Variants in ZMAT4 observed in about 807,000 individuals in gnomAD.
ZMAT4 encodes zinc finger matrin-type 4.
In ZMAT4, 17 loss-of-function variants were observed where a neutral mutation model predicts 28.7. The ratio of observed to expected loss-of-function variants is 0.59; its 90% CI spans 0.41 to 0.89. ZMAT4 has a LOEUF of 0.89. ZMAT4 is among the 40% of genes least tolerant of loss of function. The pLI is 0.00. For synonymous variants in ZMAT4, 117 were observed against 109.2 expected, an observed-to-expected ratio of 1.07 and a Z score of -0.44; for missense variants, 240 against 283.8, an observed-to-expected ratio of 0.85 and a Z score of 1.11.
chr8:40,575,504 C>A (rs571202176), intron 6 of ZMAT4, among the ~76,000 whole-genome samples: 24 of 152,090 alleles, frequency 1.6e-4, no homozygotes, highest in African/African-American at 5.3e-4. Flanking sequence ...ACCACTGCCC[C>A]CACAAACTCC....
chr8:40,532,212 T>C lies in ZMAT4; in HGVS notation c.*11A>G. 6.3e-7 allele frequency: 1 copy of C among 1,598,294 alleles called. No homozygotes were observed. Among genetic ancestry groups the C allele is most frequent in the Non-Finnish European group, 8.5e-7 (1 of 1,172,224 alleles). ...TAATGTTTTGTTCTTATGTCTTGATTGATGCTTTCACTACTTATTCTTCAG... is the reference window on the plus strand; with the variant it reads ...TAATGTTTTGTTCTTATGTCTTGATCGATGCTTTCACTACTTATTCTTCAG... On this transcript the variant is annotated 3_prime_UTR_variant, in exon 7 of 7. Coordinates refer to ENST00000297737, the MANE Select transcript of ZMAT4 (RefSeq NM_024645.3).
chr8:40,534,290 C>T (rs1021611626), intron 6 of ZMAT4, among the ~76,000 whole-genome samples: 1 of 152,154 alleles, frequency 6.6e-6, no homozygotes, highest in African/African-American at 2.4e-5. Flanking sequence ...GGAAAGGCTA[C>T]TTCATATTTT....
intron 5 of ZMAT4, among the ~76,000 whole-genome samples, chr8:40,658,154 A>C (rs1808012179): frequency 6.6e-6 from 1 of 152,090 alleles, no homozygotes; most frequent in Admixed American, 6.6e-5. Context: ...ACTCACTGTG[A>C]GTATACTTTC....
chr8:40,552,243 A>C (rs757200252), intron 6 of ZMAT4, among the ~76,000 whole-genome samples: 1 of 152,158 alleles, frequency 6.6e-6, no homozygotes, highest in Non-Finnish European at 1.5e-5. Context: ...AAATGTACCC[A>C]ATGTACACCC....
At chr8:40,766,636 G>C (rs1168839521) in intron 3 of ZMAT4, among the ~76,000 whole-genome samples, 1 of 152,212 alleles carries the variant, frequency 6.6e-6, no homozygotes. Flanking sequence ...AGATTAGTCT[G>C]TGTATGAACA....
rs547356301 is a variant in ZMAT4, at chr8:40,736,926, A to G, written c.192+30715T>C. 3.3e-5 allele frequency among the ~76,000 whole-genome samples: 5 copies of G among 152,212 alleles called. No individual in the cohort carries two copies. In the East Asian group the frequency reaches 9.7e-4, roughly 29 times the overall value. On this transcript the variant is annotated intron_variant, in intron 3 of 6. Transcript: ENST00000297737. Reference sequence around the variant, plus strand: ...CTAGCTGACTGGGCAGGCTTCATTGACCAAGATTGGAAATACAGGGAATAG... The same window carrying G: ...CTAGCTGACTGGGCAGGCTTCATTGGCCAAGATTGGAAATACAGGGAATAG...
chr8:40,856,017 C>A (rs969142921), intron 1 of ZMAT4, among the ~76,000 whole-genome samples: 1 of 151,940 alleles, frequency 6.6e-6, no homozygotes, highest in Admixed American at 6.6e-5. Context: ...AAAGTGGGAT[C>A]CAATTTAGTT....
At chr8:40,681,773 A>C (rs1809175800) in intron 4 of ZMAT4, among the ~76,000 whole-genome samples, 1 of 152,230 alleles carries the variant, frequency 6.6e-6, no homozygotes, top group Non-Finnish European at 1.5e-5. Flanking sequence ...AATATTTGAT[A>C]GTTTCATTAA....
chr8:40,881,762 G>C (rs1484285278), intron 1 of ZMAT4, among the ~76,000 whole-genome samples: 1 of 152,086 alleles, frequency 6.6e-6, no homozygotes, highest in Non-Finnish European at 1.5e-5. Context: ...TTCCTTGTAG[G>C]AGGTGCAGCG....
intron 5 of ZMAT4, among the ~76,000 whole-genome samples, chr8:40,651,793 C>G (rs1401419716): frequency 7.0e-6 from 1 of 143,176 alleles, no homozygotes; most frequent in Non-Finnish European, 1.5e-5. Context: ...CTACAACTAT[C>G]TGATCTTTGA....
chr8:40,598,191 A>T (rs191168974), intron 5 of ZMAT4, among the ~76,000 whole-genome samples: 25 of 152,168 alleles, frequency 1.6e-4, no homozygotes, highest in African/African-American at 5.5e-4. Flanking sequence ...GTATATATAT[A>T]TTTTGTTTGT....
At chr8:40,584,682 G>T (rs1046984521) in intron 5 of ZMAT4, among the ~76,000 whole-genome samples, 3 of 152,080 alleles carry the variant, frequency 2.0e-5, no homozygotes, top group Non-Finnish European at 4.4e-5. Flanking sequence ...ACCCAGGCTG[G>T]AGTGCGAGTG....
At chr8:40,651,025 G>A (rs1807618795) in intron 5 of ZMAT4, among the ~76,000 whole-genome samples, 1 of 151,466 alleles carries the variant, frequency 6.6e-6, no homozygotes, top group Non-Finnish European at 1.5e-5. Flanking sequence ...ACAAGACAGG[G>A]ATGCCCTCTC....
chr8:40,715,402 C>T (rs537973872), intron 3 of ZMAT4, among the ~76,000 whole-genome samples: 1 of 152,170 alleles, frequency 6.6e-6, no homozygotes, highest in African/African-American at 2.4e-5. Context: ...ACATAGTACC[C>T]AGAAAGATTT....
chr8:40,699,014 A>T (rs1327263113), intron 3 of ZMAT4, among the ~76,000 whole-genome samples: 1 of 152,192 alleles, frequency 6.6e-6, no homozygotes, highest in Admixed American at 6.5e-5. Context: ...AGAGAAAAAA[A>T]CAAAATAGTA....
chr8:40,891,462 A>G lies in ZMAT4; in HGVS notation c.-5+6221T>C, dbSNP rs117828983. The stretch of plus-strand genomic sequence containing the variant: ...GTTTCCTCCCTTTCTGGGCTGACGC[A>G]CCGCTCTTCCCGCATCTGCACCTTC... On this transcript the variant is annotated intron_variant, in intron 1 of 6. Coordinates refer to ENST00000297737, the MANE Select transcript of ZMAT4 (RefSeq NM_024645.3). Among the ~76,000 whole-genome samples, 27 of 151,708 alleles carry G rather than the reference A, an allele frequency of 1.8e-4. No homozygotes were observed. The East Asian group carries it at 5.1e-3, about 29-fold the overall frequency.
intron 5 of ZMAT4, among the ~76,000 whole-genome samples, chr8:40,608,649 C>T (rs190531535): frequency 6.6e-6 from 1 of 152,296 alleles, no homozygotes; most frequent in Admixed American, 6.5e-5. Context: ...TGGAAGTTTC[C>T]TTCTCCCTGA....
intron 5 of ZMAT4, among the ~76,000 whole-genome samples, chr8:40,649,453 T>A (rs1807524851): frequency 6.6e-6 from 1 of 152,140 alleles, no homozygotes; most frequent in South Asian, 2.1e-4. Flanking sequence ...CAAAGAGACT[T>A]AGACTCCCAC....
At chr8:40,773,783 A>G (rs1813482802) in intron 2 of ZMAT4, among the ~76,000 whole-genome samples, 1 of 152,150 alleles carries the variant, frequency 6.6e-6, no homozygotes, top group Non-Finnish European at 1.5e-5. Context: ...AGCAGAATCA[A>G]CACAGGAGAT....
Sources: gnomAD v4.1 joint callset for allele counts (sites outside exome capture counted in the v4.1 genomes callset) on GRCh38, gnomAD v4.1.1 for gene constraint, MANE v1.5 for transcripts, NCBI Gene and HGNC (gene_info 2026-07-23, HGNC 2026-07-21) for gene names.